CRIM1: variants seen among roughly 807,000 people sequenced by gnomAD.
The protein encoded by CRIM1 is cysteine-rich motor neuron 1 protein.
CRIM1 carries 32 observed loss-of-function variants against 116.4 expected under a neutral mutation model. The ratio of observed to expected loss-of-function variants is 0.27; its 90% CI spans 0.21 to 0.37. The LOEUF is 0.37. Ranked by LOEUF, CRIM1 falls within the 10% of genes least tolerant of loss-of-function variation. The pLI, the probability that CRIM1 is intolerant of heterozygous loss-of-function variation, is 1.00. For missense variants in CRIM1, 1,331 were observed against 1,354.8 expected, an observed-to-expected ratio of 0.98 and a Z score of 0.28; for synonymous variants, 590 against 509.2, an observed-to-expected ratio of 1.16 and a Z score of -2.13.
chr2:36,447,349 C>T (rs1181055894), intron 4 of CRIM1, among the ~76,000 whole-genome samples: 1 of 152,268 alleles, frequency 6.6e-6, no homozygotes, highest in East Asian at 1.9e-4. Flanking sequence ...ATTTATATCT[C>T]ACCAACACAT....
chr2:36,370,540 A>G (rs979722720), intron 1 of CRIM1, among the ~76,000 whole-genome samples: 10 of 152,256 alleles, frequency 6.6e-5, no homozygotes, highest in African/African-American at 2.2e-4. Context: ...TAAAGTATTT[A>G]CATGCTTTAA....
At chr2:36,425,329 C>G (rs896378603) in intron 2 of CRIM1, among the ~76,000 whole-genome samples, 6 of 152,186 alleles carry the variant, frequency 3.9e-5, no homozygotes, top group Non-Finnish European at 7.3e-5. Context: ...TATACTCATT[C>G]AGAAATAATA....
chr2:36,511,390 G>A (rs540253078), intron 9 of CRIM1, among the ~76,000 whole-genome samples: 6 of 152,208 alleles, frequency 3.9e-5, no homozygotes, highest in African/African-American at 7.2e-5. Flanking sequence ...ACATTGTTCC[G>A]TAAAATTCCC....
chr2:36,494,601 T>G (rs571166168), intron 7 of CRIM1, among the ~76,000 whole-genome samples: 6 of 152,150 alleles, frequency 3.9e-5, no homozygotes, highest in African/African-American at 1.4e-4. Flanking sequence ...GCTTGGAGGG[T>G]CTCTAAAAAT....
chr2:36,468,887 T>A (rs1163084751), intron 5 of CRIM1, among the ~76,000 whole-genome samples: 1 of 152,192 alleles, frequency 6.6e-6, no homozygotes, highest in Non-Finnish European at 1.5e-5. Context: ...TACACAAACA[T>A]CTAGATAAAA....
intron 11 of CRIM1, among the ~76,000 whole-genome samples, chr2:36,514,123 G>A (rs181384670): frequency 4.3e-4 from 65 of 152,276 alleles, no homozygotes; most frequent in African/African-American, 1.5e-3. Flanking sequence ...ATTAATATGA[G>A]GGGATTGGTA....
At chr2:36,423,582 C>A (rs2110928) in intron 2 of CRIM1, among the ~76,000 whole-genome samples, 25,078 of 152,130 alleles carry the variant, frequency 0.16, 2,624 homozygotes, top group East Asian at 0.55. Flanking sequence ...TAGCTAGGAT[C>A]GGAAGGCTTT....
intron 13 of CRIM1, among the ~76,000 whole-genome samples, chr2:36,533,828 G>C (rs1036660899): frequency 7.2e-5 from 11 of 152,074 alleles, no homozygotes; most frequent in Admixed American, 6.6e-4. Flanking sequence ...GTATCATTCA[G>C]AAAACACCAC....
Position 36,547,207 on chromosome 2 carries a change from A to T in CRIM1, c.2934+36A>T, listed in dbSNP as rs200120326. ...GCAAAAGTTAGTCTCTTGAATGATG[A>T]ATCTAGGAAAACTTACACTCATATT... is the stretch of plus-strand genomic sequence containing the variant. On this transcript the variant is annotated intron_variant, in intron 16 of 16. Coordinates refer to ENST00000280527, the MANE Select transcript of CRIM1 (RefSeq NM_016441.3). 302 of 1,538,008 alleles carry T rather than the reference A, an allele frequency of 2.0e-4. 2 individuals carry two copies. The highest frequency in any genetic ancestry group is 8.2e-4 in the South Asian group (71 of 87,066).
intron 1 of CRIM1, among the ~76,000 whole-genome samples, chr2:36,371,650 T>A (rs1270531921): frequency 6.6e-6 from 1 of 152,240 alleles, no homozygotes; most frequent in African/African-American, 2.4e-5. Context: ...TGAATTAGTT[T>A]CAGCTGTATT....
intron 1 of CRIM1, among the ~76,000 whole-genome samples, chr2:36,357,050 C>T (rs904114797): frequency 2.0e-5 from 3 of 152,214 alleles, no homozygotes; most frequent in African/African-American, 7.2e-5. Context: ...GCACCGTGAG[C>T]CGCACGCCGG....
chr2:36,523,165 A>T (rs1364541888), intron 13 of CRIM1, among the ~76,000 whole-genome samples: 1 of 152,034 alleles, frequency 6.6e-6, no homozygotes, highest in Non-Finnish European at 1.5e-5. Flanking sequence ...GTTTTTTTCC[A>T]GATAGAAACA....
intron 1 of CRIM1, among the ~76,000 whole-genome samples, chr2:36,373,548 G>A (rs1201044291): frequency 6.6e-6 from 1 of 152,148 alleles, no homozygotes; most frequent in Non-Finnish European, 1.5e-5. Flanking sequence ...GGGGAGAAAA[G>A]GTCACATTTG....
chr2:36,381,147 A>G (rs1278291948), intron 1 of CRIM1, among the ~76,000 whole-genome samples: 1 of 149,942 alleles, frequency 6.7e-6, no homozygotes, highest in Non-Finnish European at 1.5e-5. Flanking sequence ...GAGCCCTCCC[A>G]GTGGTGGTGT....
At chr2:36,529,121 A>C in intron 13 of CRIM1, 1 of 471,276 alleles carries the variant, frequency 2.1e-6, no homozygotes, top group Non-Finnish European at 4.4e-6. Flanking sequence ...GAGAGATCCA[A>C]CAGTATCTGC....
chr2:36,443,242 T>C (rs1401467604), intron 4 of CRIM1, among the ~76,000 whole-genome samples: 1 of 152,186 alleles, frequency 6.6e-6, no homozygotes, highest in East Asian at 1.9e-4. Flanking sequence ...CATCTCTCTT[T>C]GGCTTGACTG....
rs57397319 is a variant in CRIM1 at position 36,384,564 on chromosome 2, A to G, written c.332-12050A>G. 9.6e-3 allele frequency among the ~76,000 whole-genome samples: 1,456 copies of G among 152,234 alleles called. 26 individuals are homozygous for G. The highest frequency in any genetic ancestry group is 0.032 in the African/African-American group (1,328 of 41,526). ...GTTCTTAAGACTTTTTAATCTTTCT[A>G]TGTTCTTGTTGTCTGGTTTATTTCC... On this transcript the variant is annotated intron_variant, in intron 1 of 16. Transcript: ENST00000280527.
intron 2 of CRIM1, among the ~76,000 whole-genome samples, chr2:36,403,273 C>T (rs1165822718): frequency 2.0e-5 from 3 of 151,648 alleles, no homozygotes; most frequent in Non-Finnish European, 4.4e-5. Context: ...TTAGATAATT[C>T]TCCTCTGTTT....
intron 7 of CRIM1, among the ~76,000 whole-genome samples, chr2:36,490,687 G>A (rs551951039): frequency 2.2e-4 from 33 of 152,156 alleles, no homozygotes; most frequent in Non-Finnish European, 4.6e-4. Context: ...AGCTGGATCC[G>A]TTTTCTGCTT....
Sources: gnomAD v4.1 joint callset for allele counts (sites outside exome capture counted in the v4.1 genomes callset) on GRCh38, gnomAD v4.1.1 for gene constraint, MANE v1.5 for transcripts, NCBI Gene and HGNC (gene_info 2026-07-23, HGNC 2026-07-21) for gene names.